The following PSD3 variants were observed in gnomAD, a reference collection of about 807,000 sequenced individuals.
The protein encoded by PSD3 is pleckstrin and Sec7 domain containing 3.
Under a neutral mutation model 105.5 loss-of-function variants are expected in PSD3, and 49 were observed. That is an observed-to-expected ratio of 0.46 (90% CI 0.37 to 0.59). PSD3 has a LOEUF of 0.59. Among genes scored for constraint, PSD3 ranks in the 20% least tolerant of loss-of-function variants. The probability of loss-of-function intolerance (pLI) is 0.00; values close to 1 mark genes in which losing one functional copy is unlikely to be tolerated. For synonymous variants in PSD3, 557 were observed against 457.8 expected, an observed-to-expected ratio of 1.22 and a Z score of -2.77; for missense variants, 1,561 against 1,263.8, an observed-to-expected ratio of 1.24 and a Z score of -3.57.
chr8:18,575,576 G>A (rs1802417897), intron 12 of PSD3, among the ~76,000 whole-genome samples: 3 of 152,178 alleles, frequency 2.0e-5, no homozygotes, highest in East Asian at 1.9e-4. Context: ...AAGGCCAAAG[G>A]CAGAAATAAA....
intron 11 of PSD3, among the ~76,000 whole-genome samples, chr8:18,624,542 G>A (rs561465412): frequency 1.0e-5 from 1 of 99,616 alleles, no homozygotes; most frequent in Non-Finnish European, 1.9e-5. Context: ...GTTGTGGGGT[G>A]GGGGGAGGGG....
chr8:19,014,429 G>C (rs1336897578), upstream of PSD3: 1 of 152,268 alleles, frequency 6.6e-6, no homozygotes, highest in East Asian at 1.9e-4. The surrounding 1 kb of genome is among the most constrained non-coding windows in gnomAD (Gnocchi z 4.9). Context: ...CTGCATTTTC[G>C]AACATTAGTG....
intron 1 of PSD3, among the ~76,000 whole-genome samples, chr8:19,069,281 C>T (rs1199093570): frequency 6.6e-6 from 1 of 152,042 alleles, no homozygotes; most frequent in East Asian, 1.9e-4. Context: ...TGTGGGATCC[C>T]CTGGCCTACA....
chr8:18,552,886 T>G (rs1308815323), intron 15 of PSD3, among the ~76,000 whole-genome samples: 1 of 152,210 alleles, frequency 6.6e-6, no homozygotes, highest in Non-Finnish European at 1.5e-5. Flanking sequence ...AGTTTGCTGC[T>G]TTAAGTAAAA....
At chr8:18,894,919 T>C (rs1189499113) in intron 2 of PSD3, among the ~76,000 whole-genome samples, 1 of 152,196 alleles carries the variant, frequency 6.6e-6, no homozygotes, top group Non-Finnish European at 1.5e-5. Flanking sequence ...TTGTATGAAG[T>C]GTTAAAGCTC....
chr8:18,540,611 C>T (rs1800101091), intron 15 of PSD3, among the ~76,000 whole-genome samples: 1 of 152,166 alleles, frequency 6.6e-6, no homozygotes, highest in South Asian at 2.1e-4. Context: ...CAGTACCTCT[C>T]CCATTTCTAG....
rs67855105 is a variant in PSD3 at position 18,684,204 on chromosome 8, CCACACACACACACA to C, written c.2173-28533_2173-28520del. ...CACCCCTGCTACTCGTCTCTCTTTT[CCACACACACACACA>C]CACACACACACACACACACACACAC... On this transcript the variant is annotated intron_variant, in intron 9 of 15. Coordinates refer to ENST00000327040, the MANE Select transcript of PSD3 (RefSeq NM_015310.4). The C allele has an allele frequency of 1.1e-3, 206 of 195,638 alleles. 1 individual carries two copies. Among genetic ancestry groups the C allele is most frequent in the East Asian group, 3.0e-3 (23 of 7,716 alleles). The allele number at this position is 195,638 out of a possible 1,614,324, so 12.1% of individuals were successfully genotyped here.
intron 2 of PSD3, among the ~76,000 whole-genome samples, chr8:18,916,345 T>TACAC (rs1224186963): frequency 6.8e-4 from 34 of 50,234 alleles, no homozygotes; most frequent in Admixed American, 9.5e-4. Context: ...TATATATATA[T>TACAC]ATATACACAC....
chr8:18,580,714 T>C (rs544713419), intron 12 of PSD3, among the ~76,000 whole-genome samples: 1 of 152,134 alleles, frequency 6.6e-6, no homozygotes, highest in East Asian at 1.9e-4. Context: ...ACGTTTTAGA[T>C]AACGAACTGA....
Position 18,532,328 on chromosome 8 carries a change from C to T in PSD3, c.*3415G>A, listed in dbSNP as rs1420478216. The T allele has an allele frequency of 6.6e-6, 1 of 152,214 alleles. No homozygotes were observed. Among genetic ancestry groups the T allele is most frequent in the Admixed American group, 6.5e-5 (1 of 15,276 alleles). 9.4% of individuals were successfully genotyped at this position (152,214 alleles called of 1,614,324 possible). On this transcript the variant is annotated 3_prime_UTR_variant, in exon 16 of 16. Coordinates refer to ENST00000327040, the MANE Select transcript of PSD3 (RefSeq NM_015310.4). ...GCTTGGCCACAGGGTGAAATACAAACCTATCTTAGCCTTGGAAAGCCACCC... is the reference window on the plus strand; with the variant it reads ...GCTTGGCCACAGGGTGAAATACAAATCTATCTTAGCCTTGGAAAGCCACCC...
At chr8:18,550,033 A>G (rs1800670092) in intron 15 of PSD3, among the ~76,000 whole-genome samples, 1 of 152,166 alleles carries the variant, frequency 6.6e-6, no homozygotes, top group Non-Finnish European at 1.5e-5. Flanking sequence ...TCCTTTTTCT[A>G]ATTTTATGAT....
At chr8:18,715,132 G>T (rs895339880) in intron 9 of PSD3, among the ~76,000 whole-genome samples, 1 of 152,104 alleles carries the variant, frequency 6.6e-6, no homozygotes, top group African/African-American at 2.4e-5. Context: ...CCTTGTAGGG[G>T]GTGGGAAGAC....
intron 11 of PSD3, among the ~76,000 whole-genome samples, chr8:18,612,808 C>A (rs1805366005): frequency 1.3e-5 from 2 of 152,118 alleles, no homozygotes; most frequent in Admixed American, 6.6e-5. Context: ...TTGGAGATAT[C>A]AAACATGAAT....
upstream of PSD3, among the ~76,000 whole-genome samples, chr8:19,014,706 C>A (rs1827120098): frequency 6.6e-6 from 1 of 152,218 alleles, no homozygotes; most frequent in Non-Finnish European, 1.5e-5. The surrounding 1 kb of genome is among the most constrained non-coding windows in gnomAD (Gnocchi z 4.9). Context: ...AAGTGACTGA[C>A]TTGGCCAAGC....
intron 8 of PSD3, among the ~76,000 whole-genome samples, chr8:18,795,794 A>T (rs1810121823): frequency 6.6e-6 from 1 of 152,216 alleles, no homozygotes; most frequent in South Asian, 2.1e-4. Flanking sequence ...GTAAGTATAA[A>T]CTTATTCTGA....
intron 1 of PSD3, among the ~76,000 whole-genome samples, chr8:18,949,244 A>AAAAAAAAAAATATATATAT (rs1345423514): frequency 6.9e-5 from 1 of 14,404 alleles, no homozygotes; most frequent in Non-Finnish European, 1.8e-4. Context: ...AAAAAAAAAA[A>AAAAAAAAAAATATATATAT]ATATATATAT....
chr8:18,985,168 A>C (rs1217660295), intron 1 of PSD3, among the ~76,000 whole-genome samples: 2 of 152,156 alleles, frequency 1.3e-5, no homozygotes, highest in African/African-American at 4.8e-5. Flanking sequence ...TCCTGAGCTC[A>C]AATGATCTGC....
At chr8:18,691,213 A>C (rs568524729) in intron 9 of PSD3, among the ~76,000 whole-genome samples, 1 of 152,346 alleles carries the variant, frequency 6.6e-6, no homozygotes, top group African/African-American at 2.4e-5. Flanking sequence ...GAACACCCGT[A>C]TAAGTTAAAC....
At chr8:18,896,933 C>T (rs1201464512) in intron 2 of PSD3, among the ~76,000 whole-genome samples, 1 of 152,090 alleles carries the variant, frequency 6.6e-6, no homozygotes, top group Admixed American at 6.6e-5. Context: ...ACCTCAGCCT[C>T]CCGAGTAGCT....
Sources: allele counts gnomAD v4.1 joint callset (sites outside exome capture counted in the v4.1 genomes callset), GRCh38; gene constraint gnomAD v4.1.1; non-coding constraint Gnocchi (gnomAD v3.1); transcripts MANE v1.5; gene names NCBI Gene and HGNC (gene_info 2026-07-23, HGNC 2026-07-21).